The following DZANK1 variants were observed in gnomAD, a reference collection of about 807,000 sequenced individuals.
DZANK1 encodes the protein double zinc ribbon and ankyrin repeat domains 1.
In DZANK1, 91 loss-of-function variants were observed where a neutral mutation model predicts 94.5. The observed-to-expected ratio is 0.96, with a 90% CI of 0.81 to 1.15. The LOEUF (loss-of-function observed/expected upper bound fraction) is 1.15, where lower values mean the gene tolerates loss of function less well. Among genes scored for constraint, DZANK1 ranks in the 50% most tolerant of loss-of-function variants. DZANK1 has a pLI of 0.00. For missense variants in DZANK1, 903 were observed against 916.4 expected, an observed-to-expected ratio of 0.99 and a Z score of 0.19; for synonymous variants, 312 against 325.3, an observed-to-expected ratio of 0.96 and a Z score of 0.44.
intron 7 of DZANK1, among the ~76,000 whole-genome samples, chr20:18,444,230 A>G (rs1689377014): frequency 6.6e-6 from 1 of 151,694 alleles, no homozygotes; most frequent in Non-Finnish European, 1.5e-5. Context: ...TCATTCCCAC[A>G]CTCTTATCCT....
intron 1 of DZANK1, chr20:18,466,759 G>A (rs1024560610): frequency 2.0e-5 from 3 of 152,272 alleles, no homozygotes; most frequent in African/African-American, 7.2e-5. Flanking sequence ...CAGTCAACAG[G>A]ATCCCCAGAC....
chr20:18,465,311 CACT>C (rs1362328521), exon 2 of DZANK1: 1 of 1,611,796 alleles, frequency 6.2e-7, no homozygotes, highest in Non-Finnish European at 8.5e-7. Context: ...CAGGCTGAGG[CACT>C]CGTAATGGTA....
chr20:18,439,168 T>C lies in DZANK1; in HGVS notation c.747+4179A>G, dbSNP rs140736121. Among the ~76,000 whole-genome samples, 25 of 152,332 alleles carry C rather than the reference T, an allele frequency of 1.6e-4. 2 individuals are homozygous for C. The highest frequency in any genetic ancestry group is 7.2e-4 in the Admixed American group (11 of 15,302). On this transcript the variant is annotated intron_variant, in intron 8 of 20. Coordinates refer to ENST00000262547, the Ensembl canonical transcript of DZANK1. ...CTGAATCTCTAAGAATTAGCATGAATTTAGAGCCAGTATCTAGAAATCCCT... is the reference window on the plus strand; with the variant it reads ...CTGAATCTCTAAGAATTAGCATGAACTTAGAGCCAGTATCTAGAAATCCCT...
chr20:18,463,434 G>A (rs2059540645), intron 2 of DZANK1, among the ~76,000 whole-genome samples: 1 of 151,950 alleles, frequency 6.6e-6, no homozygotes, highest in African/African-American at 2.4e-5. Flanking sequence ...CCAAACCTCA[G>A]CACCACACAA....
intron 6 of DZANK1, among the ~76,000 whole-genome samples, chr20:18,450,196 G>A (rs1183526011): frequency 1.3e-5 from 2 of 152,152 alleles, no homozygotes; most frequent in East Asian, 1.9e-4. Context: ...TAGGACTACA[G>A]GCTCTATCCT....
intron 7 of DZANK1, among the ~76,000 whole-genome samples, chr20:18,447,295 G>A (rs1568997669): frequency 1.3e-5 from 2 of 151,880 alleles, no homozygotes; most frequent in Non-Finnish European, 2.9e-5. Flanking sequence ...GGCCAACATG[G>A]TGAAACCTCA....
intron 10 of DZANK1, among the ~76,000 whole-genome samples, chr20:18,423,455 T>C (rs1253489947): frequency 6.6e-6 from 1 of 152,222 alleles, no homozygotes; most frequent in Non-Finnish European, 1.5e-5. Flanking sequence ...AGCAAAGATA[T>C]ATAATATCTG....
intron 9 of DZANK1, among the ~76,000 whole-genome samples, chr20:18,429,596 T>A (rs2058198884): frequency 6.6e-6 from 1 of 152,208 alleles, no homozygotes; most frequent in African/African-American, 2.4e-5. Flanking sequence ...TGACACATCA[T>A]TATCACCCGC....
chr20:18,398,757 T>C, intron 13 of DZANK1, 131 bp from the exon 14 acceptor site: 1 of 827,128 alleles, frequency 1.2e-6, no homozygotes, highest in Non-Finnish European at 2.0e-6. Context: ...CTTTCCTTAG[T>C]GAACCTCAAC....
chr20:18,416,702 A>C (rs1171126425), intron 10 of DZANK1, among the ~76,000 whole-genome samples: 1 of 152,208 alleles, frequency 6.6e-6, no homozygotes, highest in African/African-American at 2.4e-5. Flanking sequence ...AAGAGAGGCC[A>C]CATCAGCCCC....
intron 13 of DZANK1, among the ~76,000 whole-genome samples, chr20:18,409,583 C>CACACACACACA (rs1555858807): frequency 0.017 from 2,439 of 140,742 alleles, 26 homozygotes; most frequent in South Asian, 0.041. Context: ...CACACACACA[C>CACACACACACA]CACCACCACC....
At chr20:18,458,323 T>C (rs1280757416) in intron 3 of DZANK1, among the ~76,000 whole-genome samples, 1 of 152,176 alleles carries the variant, frequency 6.6e-6, no homozygotes. Flanking sequence ...AAAGAAGAGA[T>C]TTAAACAGGG....
intron 8 of DZANK1, among the ~76,000 whole-genome samples, chr20:18,440,821 C>G (rs569466197): frequency 1.4e-4 from 21 of 152,322 alleles, no homozygotes; most frequent in African/African-American, 4.3e-4. Flanking sequence ...TGGGTCCCAC[C>G]TGCCATCTCT....
chr20:18,441,464 C>T lies in DZANK1; in HGVS notation c.747+1883G>A, dbSNP rs1190168653. On this transcript the variant is annotated intron_variant, in intron 8 of 20. Transcript: ENST00000262547. This position sits in a 1 kb window ranked among gnomAD's most constrained non-coding sequence, Gnocchi z 4.1. ...CATATAAATAGTTATTAACTGGTATCCAGGGATTAACTACTAATGGGTAAA... is the reference window on the plus strand; with the variant it reads ...CATATAAATAGTTATTAACTGGTATTCAGGGATTAACTACTAATGGGTAAA... Among the ~76,000 whole-genome samples, 1 of 152,160 alleles carries T rather than the reference C, an allele frequency of 6.6e-6. No individual in the cohort carries two copies. Among genetic ancestry groups the T allele is most frequent in the African/African-American group, 2.4e-5 (1 of 41,440 alleles).
intron 3 of DZANK1, 73 bp from the exon 4 acceptor site, chr20:18,455,434 A>C (rs985229092): frequency 5.9e-6 from 6 of 1,023,770 alleles, no homozygotes; most frequent in Non-Finnish European, 7.2e-6. Flanking sequence ...TAACAAGATG[A>C]TTTTATTAAA....
At chr20:18,440,180 G>A (rs1266768353) in intron 8 of DZANK1, among the ~76,000 whole-genome samples, 3 of 152,168 alleles carry the variant, frequency 2.0e-5, no homozygotes, top group Non-Finnish European at 2.9e-5. Context: ...GCAGAACTAT[G>A]AGAAAATAAA....
At chr20:18,384,553 C>G in exon 21 of DZANK1, 2 of 1,603,202 alleles carry the variant, frequency 1.2e-6, no homozygotes, top group Non-Finnish European at 1.7e-6. Flanking sequence ...CTTTTGGATG[C>G]TTGCATTGCA....
rs535661220 is a variant in DZANK1, at chr20:18,424,306, T to G, written c.954+2761A>C. ...CTCTACTAAAAATACAACAAAAAAA[T>G]TAGTCAAGCATGGTGGCAGGCACCT... On this transcript the variant is annotated intron_variant, in intron 10 of 20. Transcript: ENST00000262547. Among the ~76,000 whole-genome samples the G allele has an allele frequency of 2.4e-4, 37 of 151,798 alleles. 1 individual carries two copies. The highest frequency in any genetic ancestry group is 3.3e-4 in the Admixed American group (5 of 15,252).
intron 2 of DZANK1, among the ~76,000 whole-genome samples, chr20:18,461,860 A>G (rs994203090): frequency 2.0e-5 from 3 of 152,048 alleles, no homozygotes; most frequent in African/African-American, 7.2e-5. Flanking sequence ...TCAGCCTCCC[A>G]AAGTGCTGGG....
Sources: gnomAD v4.1 joint callset for allele counts (sites outside exome capture counted in the v4.1 genomes callset) on GRCh38, gnomAD v4.1.1 for gene constraint, Gnocchi (gnomAD v3.1) non-coding constraint, MANE v1.5 for transcripts, NCBI Gene and HGNC (gene_info 2026-07-23, HGNC 2026-07-21) for gene names.